The following PAK5 variants were observed in gnomAD, a reference collection of about 807,000 sequenced individuals.
PAK5 encodes the protein p21 (RAC1) activated kinase 5.
In PAK5, 16 loss-of-function variants were observed where a neutral mutation model predicts 65.9. That is an observed-to-expected ratio of 0.24 (90% CI 0.16 to 0.37). The LOEUF (loss-of-function observed/expected upper bound fraction) is 0.37. Ranked by LOEUF, PAK5 falls within the 10% of genes least tolerant of loss-of-function variation. The probability of loss-of-function intolerance (pLI) is 1.00; values close to 1 mark genes in which losing one functional copy is unlikely to be tolerated. For synonymous variants in PAK5, 371 were observed against 354.9 expected (o/e 1.05, Z -0.51); for missense variants, 785 against 903.9 (o/e 0.87, Z 1.69).
chr20:9,617,095 G>A (rs903095001), intron 3 of PAK5, among the ~76,000 whole-genome samples: 1 of 152,154 alleles, frequency 6.6e-6, no homozygotes, highest in African/African-American at 2.4e-5. Context: ...CAAGTGAGTC[G>A]ATGGCACAAC....
intron 7 of PAK5, among the ~76,000 whole-genome samples, chr20:9,556,094 G>T (rs919881292): frequency 6.6e-6 from 1 of 152,176 alleles, no homozygotes; most frequent in African/African-American, 2.4e-5. Flanking sequence ...ATAAATGGTG[G>T]TTGTTTTAAG....
rs2049403171 is a variant in PAK5 at position 9,820,191 on chromosome 20, T to C, written c.-162+18571A>G. Among the ~76,000 whole-genome samples, 6 of 152,208 alleles carry C rather than the reference T, an allele frequency of 3.9e-5. No individual in the cohort carries two copies. The South Asian group carries it at 1.2e-3, about 32-fold the overall frequency. ...TAACATCCAGCTGCAAAGACAAGTT[T>C]AATCTATAGAAAATCTATTCATTAT... On this transcript the variant is annotated intron_variant, in intron 1 of 9. Coordinates refer to ENST00000353224, the MANE Select transcript of PAK5 (RefSeq NM_177990.4).
intron 1 of PAK5, among the ~76,000 whole-genome samples, chr20:9,827,695 G>T (rs570810033): frequency 4.6e-5 from 7 of 152,286 alleles, no homozygotes; most frequent in Admixed American, 3.3e-4. Context: ...GATAACAGAA[G>T]ATCATTTTGG....
At chr20:9,605,774 C>CA (rs2046442711) in intron 3 of PAK5, among the ~76,000 whole-genome samples, 1 of 151,980 alleles carries the variant, frequency 6.6e-6, no homozygotes, top group Non-Finnish European at 1.5e-5. Context: ...ACTAAAAGTA[C>CA]AAAAAATCAG....
intron 2 of PAK5, among the ~76,000 whole-genome samples, chr20:9,647,335 A>G (rs1365262385): frequency 6.6e-6 from 1 of 152,216 alleles, no homozygotes; most frequent in Non-Finnish European, 1.5e-5. Flanking sequence ...TAATTTGGCC[A>G]TTTGTTGGCT....
At chr20:9,781,056 G>A (rs1845249416) in intron 1 of PAK5, among the ~76,000 whole-genome samples, 2 of 151,998 alleles carry the variant, frequency 1.3e-5, no homozygotes, top group Admixed American at 1.3e-4. Flanking sequence ...ATAATATATG[G>A]TTTCTTTTAT....
chr20:9,744,290 CA>C (rs775036505), intron 1 of PAK5, among the ~76,000 whole-genome samples: 2 of 152,154 alleles, frequency 1.3e-5, no homozygotes, highest in African/African-American at 2.4e-5. Context: ...AAGATTAATA[CA>C]AAGTCCTGAA....
At chr20:9,672,048 G>C (rs2047506321) in intron 2 of PAK5, among the ~76,000 whole-genome samples, 1 of 149,470 alleles carries the variant, frequency 6.7e-6, no homozygotes, top group Non-Finnish European at 1.5e-5. Flanking sequence ...ACAAATGAAA[G>C]AAAGAAGAGA....
At chr20:9,670,967 G>A (rs1345463247) in intron 2 of PAK5, among the ~76,000 whole-genome samples, 1 of 152,168 alleles carries the variant, frequency 6.6e-6, no homozygotes, top group African/African-American at 2.4e-5. Flanking sequence ...GTAAGGAAGG[G>A]ATCCAGTTTC....
At chr20:9,579,457 A>G (rs565025555) in intron 4 of PAK5, among the ~76,000 whole-genome samples, 2 of 152,322 alleles carry the variant, frequency 1.3e-5, no homozygotes, top group East Asian at 3.9e-4. Flanking sequence ...AGGATATCAT[A>G]GACCAGTCAA....
chr20:9,678,908 A>G (rs1304161379), intron 2 of PAK5, among the ~76,000 whole-genome samples: 1 of 152,182 alleles, frequency 6.6e-6, no homozygotes, highest in Non-Finnish European at 1.5e-5. Context: ...GGGTGGGGAC[A>G]CAGCCAAACC....
chr20:9,588,134 C>T (rs2123050858), intron 3 of PAK5, among the ~76,000 whole-genome samples: 1 of 149,574 alleles, frequency 6.7e-6, no homozygotes, highest in South Asian at 2.1e-4. Context: ...TACTATAAGG[C>T]TAGAAGCCTT....
At chr20:9,699,553 GTTTTTT>G (rs34450464) in intron 2 of PAK5, among the ~76,000 whole-genome samples, 2 of 138,794 alleles carry the variant, frequency 1.4e-5, no homozygotes, top group African/African-American at 2.7e-5. Flanking sequence ...TTTGCTTCTT[GTTTTTT>G]TTTTTTTTTT....
chr20:9,584,020 G>A (rs2046026424), intron 3 of PAK5, among the ~76,000 whole-genome samples: 1 of 152,074 alleles, frequency 6.6e-6, no homozygotes, highest in Non-Finnish European at 1.5e-5. Flanking sequence ...TGTTGAGGGT[G>A]GTGCATAAAT....
intron 3 of PAK5, among the ~76,000 whole-genome samples, chr20:9,600,922 C>A (rs2046348814): frequency 6.6e-6 from 1 of 152,094 alleles, no homozygotes; most frequent in Non-Finnish European, 1.5e-5. Flanking sequence ...GTCTGCATAG[C>A]CTGTGTTTTC....
At chr20:9,632,434 C>G (rs1045871183) in intron 3 of PAK5, among the ~76,000 whole-genome samples, 8 of 152,142 alleles carry the variant, frequency 5.3e-5, no homozygotes, top group Admixed American at 5.2e-4. Context: ...ATTGACATTT[C>G]CTATTTAAAT....
intron 2 of PAK5, among the ~76,000 whole-genome samples, chr20:9,664,640 T>C (rs1473126348): frequency 6.6e-6 from 1 of 152,204 alleles, no homozygotes; most frequent in Non-Finnish European, 1.5e-5. Flanking sequence ...CTGTGGTTTT[T>C]AATTATTTCG....
At chr20:9,651,682 T>C (rs377173988) in intron 2 of PAK5, among the ~76,000 whole-genome samples, 66 of 152,214 alleles carry the variant, frequency 4.3e-4, no homozygotes, top group African/African-American at 1.5e-3. Flanking sequence ...GACATGGATA[T>C]GCCCCAGGGG....
chr20:9,680,881 CAGA>C (rs1324324254), intron 2 of PAK5, among the ~76,000 whole-genome samples: 1 of 152,190 alleles, frequency 6.6e-6, no homozygotes, highest in Non-Finnish European at 1.5e-5. Context: ...ATGTCCACTT[CAGA>C]AGAATGTGTA....
Sources: allele counts gnomAD v4.1 joint callset (sites outside exome capture counted in the v4.1 genomes callset), GRCh38; gene constraint gnomAD v4.1.1; transcripts MANE v1.5; gene names NCBI Gene and HGNC (gene_info 2026-07-23, HGNC 2026-07-21).